Variants in RFPL1 observed in about 807,000 individuals in gnomAD.
RFPL1 encodes the protein ret finger protein like 1.
In RFPL1, 6 loss-of-function variants were observed where a neutral mutation model predicts 9.6. The ratio of observed to expected loss-of-function variants is 0.62; its 90% CI spans 0.34 to 1.23. The LOEUF (loss-of-function observed/expected upper bound fraction) is 1.23, where lower values mean the gene tolerates loss of function less well. RFPL1 is among the 50% of genes most tolerant of loss of function. The pLI, the probability that RFPL1 is intolerant of heterozygous loss-of-function variation, is 0.03. For missense variants in RFPL1, 352 were observed against 398.4 expected (o/e 0.88, Z 0.99); for synonymous variants, 145 against 149.4 (o/e 0.97, Z 0.22).
exon 2 of RFPL1, chr22:29,441,665 C>G: frequency 6.2e-7 from 1 of 1,613,940 alleles, no homozygotes; most frequent in Admixed American, 1.7e-5. Context: ...TTTGACGTGT[C>G]CATTTGCATC....
the RFPL1 span, among the ~76,000 whole-genome samples, chr22:29,431,155 C>A: frequency 1.3e-5 from 2 of 151,986 alleles, no homozygotes; most frequent in Non-Finnish European, 2.9e-5. Context: ...CAGGGGAGAA[C>A]CTAATGGAGG....
At chr22:29,426,679 C>T in the RFPL1 span, among the ~76,000 whole-genome samples, 2 of 151,928 alleles carry the variant, frequency 1.3e-5, no homozygotes, top group Non-Finnish European at 2.9e-5. Context: ...AACCCGGAGG[C>T]GGAGATTGCG....
At chr22:29,401,299 T>A in the RFPL1 span, among the ~76,000 whole-genome samples, 1 of 152,226 alleles carries the variant, frequency 6.6e-6, no homozygotes, top group Admixed American at 6.5e-5. Context: ...TTTTAGGAAA[T>A]TTCCTTAATG....
At chr22:29,441,428 GA>G (rs2062838295) in intron 1 of RFPL1, 113 bp from the exon 2 acceptor site, 1 of 1,280,910 alleles carries the variant, frequency 7.8e-7, no homozygotes, top group Admixed American at 2.6e-5. Flanking sequence ...GATTTTGGGG[GA>G]AGAAGAGAAT....
chr22:29,441,489 G>C, intron 1 of RFPL1, 53 bp from the exon 2 acceptor site: 1 of 1,558,004 alleles, frequency 6.4e-7, no homozygotes. Flanking sequence ...TAGAGGAGAG[G>C]CATGGGGTTG....
chr22:29,397,837 C>T, the RFPL1 span, among the ~76,000 whole-genome samples: 1 of 152,146 alleles, frequency 6.6e-6, no homozygotes, highest in East Asian at 1.9e-4. Context: ...CTGAGCTGGA[C>T]TTCATGACAC....
the RFPL1 span, among the ~76,000 whole-genome samples, chr22:29,417,815 T>C: frequency 0.2 from 30,340 of 151,716 alleles, 3,604 homozygotes; most frequent in East Asian, 0.4. Context: ...CAAGTACACA[T>C]AACAAGAGAA....
chr22:29,431,714 C>T, the RFPL1 span, among the ~76,000 whole-genome samples: 1 of 148,418 alleles, frequency 6.7e-6, no homozygotes, highest in Non-Finnish European at 1.5e-5. Context: ...GAGATAGAGT[C>T]TCACTGTGTT....
At chr22:29,410,611 ATC>A in the RFPL1 span, among the ~76,000 whole-genome samples, 8 of 121,860 alleles carry the variant, frequency 6.6e-5, no homozygotes, top group Non-Finnish European at 9.8e-5. Flanking sequence ...ATATAGATAT[ATC>A]TATCTATATA....
intron 1 of RFPL1, 183 bp downstream of exon 1, chr22:29,439,347 A>G (rs2062826139): frequency 3.0e-6 from 3 of 996,498 alleles, no homozygotes; most frequent in East Asian, 2.6e-5. Flanking sequence ...TCCAAAAAAA[A>G]GGCTGGCTGG....
the RFPL1 span, among the ~76,000 whole-genome samples, chr22:29,425,435 G>A: frequency 6.6e-6 from 1 of 152,118 alleles, no homozygotes; most frequent in South Asian, 2.1e-4. Context: ...GAAAGGTCCT[G>A]GGACCAACCC....
At chr22:29,395,676 A>G in the RFPL1 span, among the ~76,000 whole-genome samples, 1 of 152,140 alleles carries the variant, frequency 6.6e-6, no homozygotes, top group Admixed American at 6.5e-5. Context: ...ATGCATCGAA[A>G]AAGCCCAGGC....
chr22:29,425,126 C>T, the RFPL1 span, among the ~76,000 whole-genome samples: 1 of 150,762 alleles, frequency 6.6e-6, no homozygotes, highest in African/African-American at 2.4e-5. Flanking sequence ...ATGGCGTGGA[C>T]CCGGGAGGTG....
At chr22:29,403,033 C>T in the RFPL1 span, among the ~76,000 whole-genome samples, 2 of 148,208 alleles carry the variant, frequency 1.3e-5, no homozygotes, top group African/African-American at 2.5e-5. Context: ...GGGCCAGCAG[C>T]CTTCAGTAGC....
the RFPL1 span, among the ~76,000 whole-genome samples, chr22:29,427,184 G>A: frequency 6.6e-6 from 1 of 152,164 alleles, no homozygotes; most frequent in Non-Finnish European, 1.5e-5. Flanking sequence ...GAAACACTGA[G>A]GGGGGGCCTG....
chr22:29,395,453 G>A, the RFPL1 span, among the ~76,000 whole-genome samples: 1 of 151,958 alleles, frequency 6.6e-6, no homozygotes, highest in African/African-American at 2.4e-5. Flanking sequence ...CCCAGCCCAG[G>A]CCTGGCACAA....
the RFPL1 span, among the ~76,000 whole-genome samples, chr22:29,396,390 C>G: frequency 6.6e-6 from 1 of 152,308 alleles, no homozygotes; most frequent in East Asian, 1.9e-4. Context: ...AAGGAGGCCC[C>G]CACCAGATGC....
chr22:29,411,194 C>T, the RFPL1 span, among the ~76,000 whole-genome samples: 2 of 152,142 alleles, frequency 1.3e-5, no homozygotes, highest in East Asian at 3.8e-4. Context: ...GTGTTAGTTA[C>T]ATATTTTATC....
chr22:29,439,005 C>T, exon 1 of RFPL1: 1 of 1,614,032 alleles, frequency 6.2e-7, no homozygotes, highest in South Asian at 1.1e-5. Context: ...GAAGGAGCCC[C>T]ATGGGGAGGA....
Sources: allele counts gnomAD v4.1 joint callset (sites outside exome capture counted in the v4.1 genomes callset), GRCh38; gene constraint gnomAD v4.1.1; transcripts MANE v1.5; gene names NCBI Gene and HGNC (gene_info 2026-07-23, HGNC 2026-07-21).